Variants in RASGRF1 observed in about 807,000 individuals in gnomAD.
RASGRF1 encodes ras-specific guanine nucleotide-releasing factor 1.
In RASGRF1, 40 loss-of-function variants were observed where a neutral mutation model predicts 138.7. The ratio of observed to expected loss-of-function variants is 0.29; its 90% CI spans 0.22 to 0.38. The LOEUF (loss-of-function observed/expected upper bound fraction) is 0.38, where lower values mean the gene tolerates loss of function less well. RASGRF1 is among the 10% of genes least tolerant of loss of function. The pLI, the probability that RASGRF1 is intolerant of heterozygous loss-of-function variation, is 1.00. For synonymous variants in RASGRF1, 614 were observed against 663.2 expected (o/e 0.93, Z 1.14); for missense variants, 1,108 against 1,650.4 (o/e 0.67, Z 5.69).
intron 1 of RASGRF1, among the ~76,000 whole-genome samples, chr15:79,068,075 T>C (rs144068601): frequency 6.6e-6 from 1 of 152,272 alleles, no homozygotes; most frequent in African/African-American, 2.4e-5. Flanking sequence ...GCTGTGTGCC[T>C]GTCACCCTGC....
intron 14 of RASGRF1, chr15:79,005,475 G>A (rs558765264): frequency 3.0e-6 from 3 of 985,250 alleles, no homozygotes; most frequent in East Asian, 1.1e-4. Flanking sequence ...GTGGCCTCTC[G>A]GAAAAGATAA....
At position 78,983,205 on chromosome 15, in the gene RASGRF1, G is replaced by A. The variant is rs118176163; in HGVS notation, c.3414+1802C>T. The stretch of plus-strand genomic sequence containing the variant: ...AACTTCCAGAAGCTCCTGGGGCCAG[G>A]TGCTGTGCAGACACACAACTCTTAC... On this transcript the variant is annotated intron_variant, in intron 23 of 26. Transcript: ENST00000558480. 5.0e-3 allele frequency among the ~76,000 whole-genome samples: 768 copies of A among 152,350 alleles called. 21 individuals are homozygous for A. The East Asian group carries it at 0.074, about 15-fold the overall frequency.
chr15:79,059,432 C>T (rs553232986), intron 2 of RASGRF1, among the ~76,000 whole-genome samples: 14 of 142,186 alleles, frequency 9.8e-5, no homozygotes, highest in Middle Eastern at 3.7e-3. Flanking sequence ...CCCTATCCTC[C>T]CTTATCCTTC....
intron 19 of RASGRF1, among the ~76,000 whole-genome samples, chr15:78,996,732 G>C (rs2056401500): frequency 6.7e-6 from 1 of 149,212 alleles, no homozygotes; most frequent in Non-Finnish European, 1.5e-5. Flanking sequence ...CTGTGTGTGT[G>C]TGTGCGTGTG....
intron 2 of RASGRF1, among the ~76,000 whole-genome samples, chr15:79,063,063 T>G (rs1024747541): frequency 1.3e-5 from 2 of 152,202 alleles, no homozygotes; most frequent in African/African-American, 2.4e-5. Context: ...CTTCCCCAGA[T>G]TCTCCCATTT....
rs2057077702 is a variant in RASGRF1, at chr15:79,027,559, G to A, written c.1381+182C>T. On this transcript the variant is annotated intron_variant, in intron 9 of 26. Transcript: ENST00000558480. This position sits in a 1 kb window ranked among gnomAD's most constrained non-coding sequence, Gnocchi z 4.8. Reference sequence around the variant, plus strand: ...AATAATATCTGCATCTATATGTATAGATACTGACATCTACATATAGCTGTT... The same window carrying A: ...AATAATATCTGCATCTATATGTATAAATACTGACATCTACATATAGCTGTT... Among the ~76,000 whole-genome samples the A allele has an allele frequency of 6.6e-6, 1 of 152,232 alleles. No homozygotes were observed. The highest frequency in any genetic ancestry group is 2.1e-4 in the South Asian group (1 of 4,826).
chr15:79,005,399 G>T, intron 14 of RASGRF1: 3 of 985,366 alleles, frequency 3.0e-6, no homozygotes, highest in Non-Finnish European at 3.6e-6. Flanking sequence ...TTTGGGGCAG[G>T]GCACTCAGAG....
rs773779090 is a variant in RASGRF1, at chr15:79,004,083, G to A, written c.2168C>T (p.Ser723Leu). The A allele has an allele frequency of 1.9e-6, 3 of 1,614,026 alleles. No homozygotes were observed. The highest frequency in any genetic ancestry group is 2.5e-6 in the Non-Finnish European group (3 of 1,179,972). ...CTTGGTGATGGACAGAGGTGGCGGC[G>A]AGGAGAACTTGCGGGTGGCGCGCGG... Reference protein sequence around the residue: ...KSPRATRKFSSPPPLSITKTS... With the variant: ...KSPRATRKFSLPPPLSITKTS... Residue 723 changes from serine to leucine, a missense_variant, in exon 15 of 27, where the codon TCG becomes TTG. Transcript: ENST00000558480.
chr15:79,022,299 G>A (rs1259200523), intron 10 of RASGRF1, among the ~76,000 whole-genome samples: 1 of 152,094 alleles, frequency 6.6e-6, no homozygotes, highest in East Asian at 1.9e-4. Flanking sequence ...AATGAGCCAG[G>A]CATGGTAGCG....
At chr15:79,057,302 C>T (rs555242451) in intron 3 of RASGRF1, among the ~76,000 whole-genome samples, 7 of 152,318 alleles carry the variant, frequency 4.6e-5, no homozygotes, top group East Asian at 3.9e-4. Context: ...CCAGCTACTG[C>T]GCACTTCCTG....
intron 24 of RASGRF1, chr15:78,978,613 A>T (rs1358727527): frequency 1.0e-6 from 1 of 993,574 alleles, no homozygotes; most frequent in African/African-American, 1.7e-5. Context: ...CCATAGCAGG[A>T]CTCCTTCTCT....
intron 15 of RASGRF1, among the ~76,000 whole-genome samples, 186 bp downstream of exon 15, chr15:79,003,616 A>G (rs1345131526): frequency 6.6e-6 from 1 of 152,232 alleles, no homozygotes; most frequent in Non-Finnish European, 1.5e-5. Flanking sequence ...GGGCTCCCAC[A>G]TACGGCTACC....
chr15:79,039,296 CAAAAAAAAAAAAAAAAAA>C (rs71148587), intron 5 of RASGRF1, among the ~76,000 whole-genome samples: 1 of 50,372 alleles, frequency 2.0e-5, no homozygotes, highest in Admixed American at 2.7e-4. Context: ...GACCCTGTCT[CAAAAAAAAAAAAAAAAAA>C]AAAAAAAAGA....
rs1454484901 is a variant in RASGRF1, at chr15:79,010,285, G to A, written c.1827-3851C>T. 4.6e-5 allele frequency among the ~76,000 whole-genome samples: 7 copies of A among 152,066 alleles called. No homozygotes were observed. In the East Asian group the frequency reaches 1.4e-3, roughly 29 times the overall value. On this transcript the variant is annotated intron_variant, in intron 13 of 26. Transcript: ENST00000558480. Reference sequence around the variant, plus strand: ...CCTCCTGACCTCAATTGATCTGCCTGCCTCAGCCTCCCAAAGTGCCGGGAT... The same window carrying A: ...CCTCCTGACCTCAATTGATCTGCCTACCTCAGCCTCCCAAAGTGCCGGGAT...
At chr15:79,071,188 C>G (rs1057408674) in intron 1 of RASGRF1, among the ~76,000 whole-genome samples, 5 of 152,188 alleles carry the variant, frequency 3.3e-5, no homozygotes, top group Non-Finnish European at 7.3e-5. Context: ...GGCCATCTCC[C>G]CTTACTGCAC....
intron 10 of RASGRF1, among the ~76,000 whole-genome samples, chr15:79,023,030 C>T (rs1272044120): frequency 4.6e-5 from 7 of 152,036 alleles, no homozygotes; most frequent in East Asian, 1.9e-4. Flanking sequence ...AAAAATTAGC[C>T]GGGCATGGTG....
intron 14 of RASGRF1, 76 bp from the exon 15 acceptor site, chr15:79,004,251 G>C: frequency 6.7e-7 from 1 of 1,482,210 alleles, no homozygotes; most frequent in South Asian, 1.3e-5. Context: ...GCCGTCTCCG[G>C]TGGGGCTCGG....
chr15:78,983,079 C>T (rs2056071074), intron 23 of RASGRF1, among the ~76,000 whole-genome samples: 1 of 152,216 alleles, frequency 6.6e-6, no homozygotes, highest in African/African-American at 2.4e-5. Flanking sequence ...TTCAGGCCAT[C>T]TAAGAAACGT....
chr15:79,021,787 C>T (rs967534643), intron 10 of RASGRF1, among the ~76,000 whole-genome samples: 7 of 152,104 alleles, frequency 4.6e-5, no homozygotes, highest in African/African-American at 1.4e-4. Flanking sequence ...TGGTAGTATC[C>T]GTCTCAGTGG....
Sources: allele counts gnomAD v4.1 joint callset (sites outside exome capture counted in the v4.1 genomes callset), GRCh38; gene constraint gnomAD v4.1.1; non-coding constraint Gnocchi (gnomAD v3.1); transcripts MANE v1.5; gene names NCBI Gene and HGNC (gene_info 2026-07-23, HGNC 2026-07-21).